PREX2: variants seen among roughly 807,000 people sequenced by gnomAD.
The protein encoded by PREX2 is phosphatidylinositol-3,4,5-trisphosphate dependent Rac exchange factor 2.
A neutral mutation model predicts 203.2 loss-of-function variants in PREX2; 107 were observed. The observed-to-expected ratio is 0.53, with a 90% CI of 0.45 to 0.62. The LOEUF is 0.62. PREX2 is among the 20% of genes least tolerant of loss of function. The pLI is 0.00. For missense variants in PREX2, 1,777 were observed against 1,955.9 expected, an observed-to-expected ratio of 0.91 and a Z score of 1.72; for synonymous variants, 672 against 663.6, an observed-to-expected ratio of 1.01 and a Z score of -0.19.
rs941547946 is a variant in PREX2, at chr8:68,142,236, A to G, written c.4087+3719A>G. On this transcript the variant is annotated intron_variant, in intron 33 of 39. Transcript: ENST00000288368. ...GACATGTATCCACCATTATAGTATC[A>G]TACAGAGTATTTTTACTGCCCTAAA... Among the ~76,000 whole-genome samples the G allele has an allele frequency of 3.3e-5, 5 of 152,294 alleles. No homozygotes were observed. In the South Asian group the frequency reaches 6.2e-4, roughly 19 times the overall value.
intron 9 of PREX2, among the ~76,000 whole-genome samples, chr8:68,054,856 A>C (rs1037527749): frequency 5.3e-5 from 8 of 152,134 alleles, no homozygotes; most frequent in African/African-American, 1.9e-4. Context: ...CCTTTGCCCA[A>C]TACACCTCCC....
At chr8:67,952,832 C>G (rs375341135) in intron 1 of PREX2, 1 of 494,280 alleles carries the variant, frequency 2.0e-6, no homozygotes, top group Non-Finnish European at 3.6e-6. Flanking sequence ...CCTATCTTCC[C>G]TCACTTTTCT....
intron 37 of PREX2, among the ~76,000 whole-genome samples, chr8:68,193,951 A>AT (rs1367343761): frequency 6.6e-6 from 1 of 152,202 alleles, no homozygotes; most frequent in Admixed American, 6.5e-5. Flanking sequence ...AAGAACATTA[A>AT]TTTTTTGTGG....
At chr8:68,013,506 G>A (rs1807325701) in intron 1 of PREX2, among the ~76,000 whole-genome samples, 1 of 152,114 alleles carries the variant, frequency 6.6e-6, no homozygotes, top group African/African-American at 2.4e-5. Context: ...TTCACTTTCA[G>A]TCTTCTCCAT....
chr8:68,074,031 A>T (rs568465713), intron 14 of PREX2, among the ~76,000 whole-genome samples: 1 of 151,848 alleles, frequency 6.6e-6, no homozygotes, highest in African/African-American at 2.4e-5. Context: ...CAGTGGCTCA[A>T]TCTCGGCTCA....
rs528230863 is a variant in PREX2 at position 68,232,974 on chromosome 8, C to T, written c.*1596C>T. On this transcript the variant is annotated 3_prime_UTR_variant, in exon 40 of 40. Coordinates refer to ENST00000288368, the MANE Select transcript of PREX2 (RefSeq NM_024870.4). Reference sequence around the variant, plus strand: ...CATGGTTTTCAAACTATTATTAAAACCTTTATCATTAACCATTATGTATTG... The same window carrying T: ...CATGGTTTTCAAACTATTATTAAAATCTTTATCATTAACCATTATGTATTG... 3.3e-4 allele frequency: 50 copies of T among 152,196 alleles called. No individual in the cohort carries two copies. The highest frequency in any genetic ancestry group is 1.2e-3 in the African/African-American group (49 of 41,530). The allele number at this position is 152,196 out of a possible 1,614,324, so 9.4% of individuals were successfully genotyped here.
chr8:68,030,183 C>A (rs1200944567), intron 5 of PREX2, among the ~76,000 whole-genome samples: 11 of 152,082 alleles, frequency 7.2e-5, no homozygotes, highest in African/African-American at 2.2e-4. Context: ...TCTGTTAGAA[C>A]AAAAGTCAAA....
At chr8:68,147,111 T>C (rs1811344255) in intron 34 of PREX2, among the ~76,000 whole-genome samples, 1 of 152,210 alleles carries the variant, frequency 6.6e-6, no homozygotes, top group South Asian at 2.1e-4. Context: ...CACAAGATTG[T>C]ATCAGTTTCT....
chr8:68,136,682 GT>G, intron 32 of PREX2, among the ~76,000 whole-genome samples: 1 of 152,168 alleles, frequency 6.6e-6, no homozygotes, highest in Middle Eastern at 3.4e-3. Context: ...TAAGATAATG[GT>G]TTAATAAACA....
intron 1 of PREX2, among the ~76,000 whole-genome samples, chr8:67,973,495 A>G (rs1004943506): frequency 1.3e-5 from 2 of 152,016 alleles, no homozygotes; most frequent in Non-Finnish European, 2.9e-5. Flanking sequence ...TCCATACTTG[A>G]ATATCTTTTC....
chr8:68,058,675 T>G (rs925871541), intron 10 of PREX2, among the ~76,000 whole-genome samples: 2 of 152,144 alleles, frequency 1.3e-5, no homozygotes, highest in African/African-American at 4.8e-5. Context: ...CCTCAAATGA[T>G]CCATCTGCCT....
intron 39 of PREX2, among the ~76,000 whole-genome samples, chr8:68,225,327 G>T (rs573309728): frequency 6.6e-6 from 1 of 152,146 alleles, no homozygotes; most frequent in South Asian, 2.1e-4. Flanking sequence ...CATAAGAAAG[G>T]ACTCCCATTG....
Position 68,192,497 on chromosome 8 carries a change from A to G in PREX2, c.4576A>G (p.Ile1526Val), listed in dbSNP as rs1287053036. 11 of 1,613,114 alleles carry G rather than the reference A, an allele frequency of 6.8e-6. No individual in the cohort carries two copies. The highest frequency in any genetic ancestry group is 9.3e-6 in the Non-Finnish European group (11 of 1,179,896). The change falls in exon 37 of 40, where the codon ATC becomes GTC. Residue 1526 changes from isoleucine to valine, a missense_variant. Ile to Val is a conservative substitution (Grantham distance 29). Coordinates refer to ENST00000288368, the MANE Select transcript of PREX2 (RefSeq NM_024870.4). ...ELCNRLGACH[I>V]IMCSSGVHRC... ...GTGCAACAGGCTGGGCGCCTGCCAC[A>G]TCATCATGTGCAGCAGCGGTGTGCA... is the stretch of plus-strand genomic sequence containing the variant.
intron 13 of PREX2, among the ~76,000 whole-genome samples, chr8:68,072,087 A>C (rs1809213555): frequency 6.6e-6 from 1 of 152,230 alleles, no homozygotes; most frequent in Admixed American, 6.5e-5. Context: ...CCATAGGCTA[A>C]TTGACATAAA....
chr8:68,095,537 A>ATGTGTG (rs144155575), intron 21 of PREX2, among the ~76,000 whole-genome samples: 2 of 146,182 alleles, frequency 1.4e-5, no homozygotes, highest in Non-Finnish European at 3.0e-5. Context: ...ACATACATAT[A>ATGTGTG]TGTGTGTGTG....
At chr8:68,028,787 G>A (rs190024915) in intron 5 of PREX2, among the ~76,000 whole-genome samples, 40 of 152,098 alleles carry the variant, frequency 2.6e-4, no homozygotes, top group Non-Finnish European at 5.4e-4. Flanking sequence ...GAAGGGATAG[G>A]GAGATTAAAA....
intron 16 of PREX2, 60 bp from the exon 17 acceptor site, chr8:68,080,686 T>A (rs1563534229): frequency 6.9e-7 from 1 of 1,453,488 alleles, no homozygotes; most frequent in South Asian, 1.2e-5. Flanking sequence ...CTTCGTTCTG[T>A]TTGACTTGTA....
intron 1 of PREX2, among the ~76,000 whole-genome samples, chr8:67,964,715 GA>G (rs535054455): frequency 2.9e-4 from 44 of 151,726 alleles, no homozygotes; most frequent in African/African-American, 1.0e-3. Context: ...GAAGTTTCCA[GA>G]AAAAAAATTC....
Position 68,036,617 on chromosome 8 carries a change from T to C in PREX2, c.706-1542T>C, listed in dbSNP as rs1808040661. On this transcript the variant is annotated intron_variant, in intron 6 of 39. Coordinates refer to ENST00000288368, the MANE Select transcript of PREX2 (RefSeq NM_024870.4). ...CTGTAATTTTTTTTTTCTCCAAATCTTCATTTGTATATCCACTTTCAGGAT... is the reference window on the plus strand; with the variant it reads ...CTGTAATTTTTTTTTTCTCCAAATCCTCATTTGTATATCCACTTTCAGGAT... 3.3e-5 allele frequency among the ~76,000 whole-genome samples: 5 copies of C among 152,134 alleles called. No homozygotes were observed. The South Asian group carries it at 1.0e-3, about 32-fold the overall frequency.
Sources: allele counts gnomAD v4.1 joint callset (sites outside exome capture counted in the v4.1 genomes callset), GRCh38; gene constraint gnomAD v4.1.1; transcripts MANE v1.5; gene names NCBI Gene and HGNC (gene_info 2026-07-23, HGNC 2026-07-21).